Variants in DAG1 observed in about 807,000 individuals in gnomAD.
DAG1 encodes dystroglycan 1 (dystrophin-associated glycoprotein 1).
A neutral mutation model predicts 46.1 loss-of-function variants in DAG1; 8 were observed. The observed-to-expected ratio is 0.17, with a 90% CI of 0.10 to 0.31. The LOEUF (loss-of-function observed/expected upper bound fraction) is 0.31. Among genes scored for constraint, DAG1 ranks in the 10% least tolerant of loss-of-function variants. The pLI, the probability that DAG1 is intolerant of heterozygous loss-of-function variation, is 1.00. For synonymous variants in DAG1, 495 were observed against 481.8 expected, an observed-to-expected ratio of 1.03 and a Z score of -0.36; for missense variants, 1,003 against 1,189.9, an observed-to-expected ratio of 0.84 and a Z score of 2.31.
intron 1 of DAG1, among the ~76,000 whole-genome samples, chr3:49,490,813 G>C (rs1007299216): frequency 6.7e-6 from 1 of 148,468 alleles, no homozygotes; most frequent in East Asian, 2.0e-4. Context: ...CAAGCTATCT[G>C]CCCTTCTCAG....
chr3:49,519,055 G>A (rs2050965789), intron 2 of DAG1, among the ~76,000 whole-genome samples: 1 of 152,108 alleles, frequency 6.6e-6, no homozygotes, highest in South Asian at 2.1e-4. Context: ...AAGCCAACCT[G>A]GCCTTCACTC....
intron 1 of DAG1, chr3:49,492,634 G>A (rs1362916642): frequency 6.6e-6 from 1 of 152,180 alleles, no homozygotes; most frequent in Non-Finnish European, 1.5e-5. Flanking sequence ...GTAACAGAGT[G>A]AGACCCTGCA....
intron 2 of DAG1, among the ~76,000 whole-genome samples, chr3:49,511,779 G>A (rs2050767387): frequency 6.6e-6 from 1 of 152,192 alleles, no homozygotes; most frequent in Admixed American, 6.5e-5. Context: ...CTCCCAAAGT[G>A]CTGGGATTGC....
At chr3:49,475,168 G>C (rs2049645359) in intron 1 of DAG1, among the ~76,000 whole-genome samples, 2 of 149,272 alleles carry the variant, frequency 1.3e-5, no homozygotes, top group Admixed American at 6.7e-5. Context: ...GCAATGGTGC[G>C]ATATTGGTTC....
chr3:49,522,713 C>T (rs2051065299), intron 2 of DAG1, among the ~76,000 whole-genome samples: 1 of 152,140 alleles, frequency 6.6e-6, no homozygotes, highest in South Asian at 2.1e-4. Context: ...ATAGGCTTTT[C>T]AAGATCTTTT....
chr3:49,527,908 A>G (rs2051227995), intron 2 of DAG1, among the ~76,000 whole-genome samples: 2 of 152,060 alleles, frequency 1.3e-5, no homozygotes, highest in African/African-American at 4.8e-5. Context: ...CCAGACCTCT[A>G]TTCCAGGCCT....
chr3:49,524,984 T>C (rs1248758345), intron 2 of DAG1, among the ~76,000 whole-genome samples: 1 of 151,978 alleles, frequency 6.6e-6, no homozygotes, highest in Non-Finnish European at 1.5e-5. Context: ...TATATACATA[T>C]ACATATATGT....
At position 49,510,718 on chromosome 3, in the gene DAG1, C is replaced by G; in HGVS notation, c.184C>G (p.Pro62Ala). ...GCTCTCAGACCTCCACGAGGCTGTT[C>G]CCACAGTGGTTGGCATTCCTGATGG... is the stretch of plus-strand genomic sequence containing the variant. The part of the protein sequence containing the change: ...SVLSDLHEAV[P>A]TVVGIPDGTA... Residue 62 changes from proline to alanine, a missense_variant, in exon 2 of 3, where the codon CCC (proline) becomes GCC (alanine). Coordinates refer to ENST00000308775, the MANE Select transcript of DAG1 (RefSeq NM_004393.6). 1.2e-6 allele frequency: 2 copies of G among 1,614,160 alleles called. No homozygotes were observed. The highest frequency in any genetic ancestry group is 1.7e-6 in the Non-Finnish European group (2 of 1,180,032).
intron 2 of DAG1, among the ~76,000 whole-genome samples, chr3:49,527,562 G>A (rs1367672774): frequency 4.0e-5 from 6 of 151,596 alleles, no homozygotes; most frequent in Admixed American, 6.6e-5. Flanking sequence ...AATTAGCCAG[G>A]CGTGGTGGCG....
intron 1 of DAG1, among the ~76,000 whole-genome samples, chr3:49,484,376 C>G (rs2049962529): frequency 6.6e-6 from 1 of 152,042 alleles, no homozygotes; most frequent in South Asian, 2.1e-4. Context: ...GGACCCCTGT[C>G]TCTTCAGAGC....
At chr3:49,530,006 T>C (rs2051295088) in intron 2 of DAG1, among the ~76,000 whole-genome samples, 1 of 152,010 alleles carries the variant, frequency 6.6e-6, no homozygotes, top group South Asian at 2.1e-4. Context: ...GCAGAAGAGG[T>C]CTCTGTGTAT....
intron 1 of DAG1, among the ~76,000 whole-genome samples, chr3:49,476,398 C>A (rs753520473): frequency 6.6e-6 from 1 of 151,834 alleles, no homozygotes; most frequent in Non-Finnish European, 1.5e-5. Flanking sequence ...GAGACCAGCC[C>A]GTCCAACATG....
intron 1 of DAG1, among the ~76,000 whole-genome samples, chr3:49,502,476 T>C (rs2050478955): frequency 6.6e-6 from 1 of 152,068 alleles, no homozygotes; most frequent in South Asian, 2.1e-4. Flanking sequence ...TGCGGAGGAA[T>C]GGGTCTGAAA....
intron 1 of DAG1, among the ~76,000 whole-genome samples, chr3:49,482,678 C>T (rs898798291): frequency 6.6e-6 from 1 of 152,152 alleles, no homozygotes; most frequent in African/African-American, 2.4e-5. Context: ...GCAAATATTA[C>T]ACCATTTTAT....
chr3:49,528,072 A>G (rs55935606), intron 2 of DAG1, among the ~76,000 whole-genome samples: 19,398 of 151,920 alleles, frequency 0.13, 1,673 homozygotes, highest in Non-Finnish European at 0.2. Context: ...CAGGACCCCT[A>G]CTTCTATCCC....
chr3:49,500,878 T>C (rs1027991443), intron 1 of DAG1, among the ~76,000 whole-genome samples: 1 of 152,140 alleles, frequency 6.6e-6, no homozygotes, highest in East Asian at 1.9e-4. Context: ...CTGTAGCGTC[T>C]CTATCTGAAT....
Position 49,532,361 on chromosome 3 carries a change from C to A in DAG1, c.1850C>A (p.Ala617Glu), listed in dbSNP as rs2051378804. The change falls in exon 3 of 3, where the codon GCA (alanine) becomes GAA (glutamate). Residue 617 changes from alanine to glutamate, a missense_variant. Physicochemically the swap from Ala to Glu is moderately radical, Grantham distance 107 (BLOSUM62 -1). Around this residue, in one of 3 missense-constraint regions of DAG1, gnomAD observed 755 missense variants for 854.1 expected, o/e 0.88. Transcript: ENST00000308775. The surrounding 1 kb of genome is among the most constrained non-coding windows in gnomAD (Gnocchi z 5.4). ...RFKAKFVGDPALVLNDIHKKI... is the reference protein window; with the variant it reads ...RFKAKFVGDPELVLNDIHKKI... ...AAGGCCAAGTTTGTGGGTGACCCGG[C>A]ACTGGTGTTGAATGACATCCACAAG... is the stretch of plus-strand genomic sequence containing the variant. 2 of 1,614,128 alleles carry A rather than the reference C, an allele frequency of 1.2e-6. No homozygotes were observed. The highest frequency in any genetic ancestry group is 2.2e-5 in the East Asian group (1 of 44,890).
At chr3:49,472,043 G>C (rs1275486006) in intron 1 of DAG1, among the ~76,000 whole-genome samples, 2 of 152,166 alleles carry the variant, frequency 1.3e-5, no homozygotes, top group African/African-American at 4.8e-5. Flanking sequence ...CTCCAGCTTG[G>C]CAGGTGCGAG....
At position 49,534,988 on chromosome 3, in the gene DAG1, C is replaced by T. The variant is rs2051471493; in HGVS notation, c.*1789C>T. 1 of 152,704 alleles carries T rather than the reference C, an allele frequency of 6.5e-6. No individual in the cohort carries two copies. The highest frequency in any genetic ancestry group is 2.4e-5 in the African/African-American group (1 of 41,428). 9.5% of individuals were successfully genotyped at this position (152,704 alleles called of 1,614,324 possible). Reference sequence around the variant, plus strand: ...GTAGGAGGGGGGGAGAGGTCTCTGTCCTACTGCTCTCCAGAGGGCATTTCC... The same window carrying T: ...GTAGGAGGGGGGGAGAGGTCTCTGTTCTACTGCTCTCCAGAGGGCATTTCC... On this transcript the variant is annotated 3_prime_UTR_variant, in exon 3 of 3. Transcript: ENST00000308775.
Sources: gnomAD v4.1 joint callset for allele counts (sites outside exome capture counted in the v4.1 genomes callset) on GRCh38, gnomAD v4.1.1 for gene constraint, gnomAD v4.1.1 regional missense constraint, Gnocchi (gnomAD v3.1) non-coding constraint, MANE v1.5 for transcripts, NCBI Gene and HGNC (gene_info 2026-07-23, HGNC 2026-07-21) for gene names.